The following PPFIA2 variants were observed in gnomAD, a reference collection of about 807,000 sequenced individuals.
PPFIA2 encodes the protein liprin-alpha-2.
A neutral mutation model predicts 175.5 loss-of-function variants in PPFIA2; 46 were observed. The ratio of observed to expected loss-of-function variants is 0.26; its 90% CI spans 0.21 to 0.34. The LOEUF (loss-of-function observed/expected upper bound fraction) is 0.34. Ranked by LOEUF, PPFIA2 falls within the 10% of genes least tolerant of loss-of-function variation. The pLI is 1.00. For missense variants in PPFIA2, 1,179 were observed against 1,506.1 expected, an observed-to-expected ratio of 0.78 and a Z score of 3.60; for synonymous variants, 568 against 511.4, an observed-to-expected ratio of 1.11 and a Z score of -1.49.
chr12:81,276,997 G>A (rs987605682), intron 28 of PPFIA2, among the ~76,000 whole-genome samples: 7 of 152,130 alleles, frequency 4.6e-5, no homozygotes, highest in Admixed American at 4.6e-4. Context: ...TACTGAGAAT[G>A]TTCCATTAAA....
intron 4 of PPFIA2, chr12:81,471,322 T>C (rs934135227): frequency 6.6e-6 from 1 of 151,316 alleles, no homozygotes; most frequent in African/African-American, 2.4e-5. Context: ...GTTTTATTTT[T>C]ATTTATTTAT....
At chr12:81,647,037 A>G (rs1372983843) in intron 4 of PPFIA2, among the ~76,000 whole-genome samples, 1 of 135,448 alleles carries the variant, frequency 7.4e-6, no homozygotes. Flanking sequence ...AAAATTATGG[A>G]TAATTTGAAG....
At chr12:81,508,244 G>A (rs557130557) in intron 4 of PPFIA2, among the ~76,000 whole-genome samples, 4 of 152,000 alleles carry the variant, frequency 2.6e-5, no homozygotes, top group Admixed American at 6.5e-5. Flanking sequence ...TTGTGGGGCC[G>A]GGCACGGTGG....
chr12:81,480,460 G>T (rs1247588893), intron 4 of PPFIA2, among the ~76,000 whole-genome samples: 1 of 152,094 alleles, frequency 6.6e-6, no homozygotes, highest in Non-Finnish European at 1.5e-5. Context: ...TTGCTGGTAA[G>T]GAGCTGTGAT....
intron 7 of PPFIA2, among the ~76,000 whole-genome samples, chr12:81,411,071 A>G (rs1464074362): frequency 6.6e-6 from 1 of 152,136 alleles, no homozygotes; most frequent in Non-Finnish European, 1.5e-5. Flanking sequence ...ATGCAGCAGG[A>G]AACATGGAAG....
At chr12:81,715,715 C>G (rs2078520174) in intron 3 of PPFIA2, among the ~76,000 whole-genome samples, 1 of 151,694 alleles carries the variant, frequency 6.6e-6, no homozygotes, top group Admixed American at 6.6e-5. Context: ...TCAAGGAAAT[C>G]TATATCACAT....
chr12:81,712,728 A>ATT (rs568877711), intron 3 of PPFIA2, among the ~76,000 whole-genome samples: 1 of 145,622 alleles, frequency 6.9e-6, no homozygotes, highest in Non-Finnish European at 1.5e-5. Flanking sequence ...ACATAAAAGG[A>ATT]TTTTTTTTTT....
At chr12:81,422,640 A>T (rs888899581) in intron 7 of PPFIA2, among the ~76,000 whole-genome samples, 2 of 152,084 alleles carry the variant, frequency 1.3e-5, no homozygotes, top group Admixed American at 6.6e-5. Context: ...GAGCTCTTAT[A>T]ATAACCCTCA....
chr12:81,312,222 T>C (rs1336516955), intron 22 of PPFIA2: 4 of 1,476,582 alleles, frequency 2.7e-6, no homozygotes, highest in Non-Finnish European at 2.7e-6. Context: ...CAAATGTTAA[T>C]GGATACAGTT....
intron 4 of PPFIA2, among the ~76,000 whole-genome samples, chr12:81,587,997 T>G (rs2075527144): frequency 6.6e-6 from 1 of 152,036 alleles, no homozygotes; most frequent in Non-Finnish European, 1.5e-5. Context: ...AATAAAAATG[T>G]GACCAGTTAA....
At chr12:81,535,652 C>A (rs2153313401) in intron 4 of PPFIA2, 1 of 311,212 alleles carries the variant, frequency 3.2e-6, no homozygotes, top group Non-Finnish European at 6.3e-6. Flanking sequence ...TACACACACA[C>A]ACACAAAACT....
At chr12:81,584,125 A>T (rs979916856) in intron 4 of PPFIA2, among the ~76,000 whole-genome samples, 1 of 151,898 alleles carries the variant, frequency 6.6e-6, no homozygotes. Flanking sequence ...TATACTTCAC[A>T]TCTAAAGCAA....
intron 8 of PPFIA2, among the ~76,000 whole-genome samples, chr12:81,398,954 G>A (rs2041662258): frequency 6.6e-6 from 1 of 152,058 alleles, no homozygotes; most frequent in Non-Finnish European, 1.5e-5. Context: ...AATTTCATTT[G>A]TTGGGTGAGT....
chr12:81,557,625 A>T (rs1310103834), intron 4 of PPFIA2, among the ~76,000 whole-genome samples: 4 of 152,080 alleles, frequency 2.6e-5, no homozygotes, highest in Non-Finnish European at 4.4e-5. Flanking sequence ...GCATTATTTC[A>T]GCAGTTTTCA....
At chr12:81,631,706 T>C (rs1430796410) in intron 4 of PPFIA2, among the ~76,000 whole-genome samples, 1 of 152,232 alleles carries the variant, frequency 6.6e-6, no homozygotes, top group African/African-American at 2.4e-5. Flanking sequence ...CTATTCAGTG[T>C]TCATGCTTCT....
chr12:81,704,369 G>A (rs1417144414), intron 3 of PPFIA2, among the ~76,000 whole-genome samples: 1 of 152,082 alleles, frequency 6.6e-6, no homozygotes, highest in Non-Finnish European at 1.5e-5. Flanking sequence ...AGAAGGTTGA[G>A]TAAAAAATAA....
intron 3 of PPFIA2, among the ~76,000 whole-genome samples, chr12:81,710,826 A>C (rs555689706): frequency 6.6e-6 from 1 of 150,902 alleles, no homozygotes; most frequent in East Asian, 2.1e-4. Context: ...GCACTCAAAA[A>C]GTTTTGGGTG....
At chr12:81,412,909 C>T (rs561868931) in intron 7 of PPFIA2, among the ~76,000 whole-genome samples, 58 of 151,930 alleles carry the variant, frequency 3.8e-4, no homozygotes, top group African/African-American at 1.3e-3. Context: ...TGAAAGGCTT[C>T]GATCACACAT....
At chr12:81,421,286 A>G (rs10862310) in intron 7 of PPFIA2, among the ~76,000 whole-genome samples, 37,875 of 151,944 alleles carry the variant, frequency 0.25, 4,969 homozygotes, top group East Asian at 0.42. Flanking sequence ...TAACATTATA[A>G]TTGTATTGTA....
Sources: allele counts gnomAD v4.1 joint callset (sites outside exome capture counted in the v4.1 genomes callset), GRCh38; gene constraint gnomAD v4.1.1; transcripts MANE v1.5; gene names NCBI Gene and HGNC (gene_info 2026-07-23, HGNC 2026-07-21).